The following FHIT variants were observed in gnomAD, a reference collection of about 807,000 sequenced individuals.
The protein encoded by FHIT is fragile histidine triad diadenosine triphosphatase.
FHIT carries 19 observed loss-of-function variants against 17.9 expected under a neutral mutation model. That is an observed-to-expected ratio of 1.06 (90% confidence interval 0.74 to 1.56). The LOEUF (loss-of-function observed/expected upper bound fraction) is 1.56, where lower values mean the gene tolerates loss of function less well. Among genes scored for constraint, FHIT ranks in the 40% most tolerant of loss-of-function variants. The pLI, the probability that FHIT is intolerant of heterozygous loss-of-function variation, is 0.00. For synonymous variants in FHIT, 81 were observed against 69.7 expected (o/e 1.16, Z -0.81); for missense variants, 248 against 189.2 (o/e 1.31, Z -1.82).
intron 5 of FHIT, among the ~76,000 whole-genome samples, chr3:60,208,823 G>A (rs1310218790): frequency 6.6e-6 from 1 of 152,082 alleles, no homozygotes; most frequent in Non-Finnish European, 1.5e-5. Flanking sequence ...TGACATCAGA[G>A]AGCCATTTAG....
intron 5 of FHIT, among the ~76,000 whole-genome samples, chr3:60,101,818 G>A (rs975877252): frequency 3.3e-5 from 5 of 152,034 alleles, no homozygotes; most frequent in Admixed American, 6.6e-5. Flanking sequence ...ATCAACCAGC[G>A]CTCTCCCACA....
intron 5 of FHIT, among the ~76,000 whole-genome samples, chr3:60,183,493 G>A (rs150340842): frequency 3.3e-5 from 5 of 152,186 alleles, no homozygotes; most frequent in South Asian, 2.1e-4. Context: ...AGTCAACACC[G>A]TGACTAACAA....
chr3:60,302,886 G>A (rs1157028572), intron 5 of FHIT, among the ~76,000 whole-genome samples: 1 of 152,132 alleles, frequency 6.6e-6, no homozygotes, highest in Non-Finnish European at 1.5e-5. Flanking sequence ...AGACAAGACT[G>A]CCTTGAGCTG....
intron 4 of FHIT, among the ~76,000 whole-genome samples, chr3:60,615,992 G>A (rs1553675754): frequency 6.6e-6 from 1 of 152,204 alleles, no homozygotes; most frequent in Non-Finnish European, 1.5e-5. Context: ...TGTACATTGA[G>A]AGATGTCCCT....
At chr3:60,044,905 A>C (rs558241263) in intron 5 of FHIT, among the ~76,000 whole-genome samples, 1 of 152,316 alleles carries the variant, frequency 6.6e-6, no homozygotes, top group East Asian at 1.9e-4. Flanking sequence ...AGAAAAGCCC[A>C]GAGCCAACAA....
Position 60,383,179 on chromosome 3 carries a change from G to A in FHIT, c.103+153681C>T, listed in dbSNP as rs181590205. ...TGTAGGGAATGGGAGTTTCTTTTGCGCTTACTTGCCAGTGACTTCCTAAAG... is the reference window on the plus strand; with the variant it reads ...TGTAGGGAATGGGAGTTTCTTTTGCACTTACTTGCCAGTGACTTCCTAAAG... On this transcript the variant is annotated intron_variant, in intron 5 of 9. Coordinates refer to ENST00000492590, the MANE Select transcript of FHIT (RefSeq NM_002012.4). Among the ~76,000 whole-genome samples, 35 of 152,182 alleles carry A rather than the reference G, an allele frequency of 2.3e-4. No individual in the cohort carries two copies. In the East Asian group the frequency reaches 4.8e-3, roughly 21 times the overall value.
At chr3:60,186,495 G>A (rs991059101) in intron 5 of FHIT, among the ~76,000 whole-genome samples, 9 of 152,180 alleles carry the variant, frequency 5.9e-5, no homozygotes, top group African/African-American at 1.9e-4. Flanking sequence ...AAACAGGAAG[G>A]TTTAACTTGA....
intron 4 of FHIT, among the ~76,000 whole-genome samples, chr3:60,788,885 A>G (rs564884499): frequency 3.9e-5 from 6 of 152,150 alleles, no homozygotes; most frequent in Admixed American, 6.6e-5. Flanking sequence ...TTTTACTTCA[A>G]ATGTTTTACA....
chr3:59,960,566 T>A (rs944646837), intron 7 of FHIT, among the ~76,000 whole-genome samples: 5 of 142,254 alleles, frequency 3.5e-5, no homozygotes, highest in African/African-American at 1.3e-4. Context: ...GGAGACATTA[T>A]CTTGACAGTC....
At chr3:61,124,100 G>A (rs1025315739) in intron 2 of FHIT, among the ~76,000 whole-genome samples, 1 of 152,150 alleles carries the variant, frequency 6.6e-6, no homozygotes, top group Non-Finnish European at 1.5e-5. Context: ...ATTTTTTCCT[G>A]TACGATAGGC....
intron 3 of FHIT, among the ~76,000 whole-genome samples, chr3:60,855,676 T>A (rs1703352220): frequency 6.6e-6 from 1 of 152,142 alleles, no homozygotes; most frequent in Admixed American, 6.6e-5. Context: ...AACATCATCT[T>A]CCATGTGTTA....
At chr3:59,875,535 G>A (rs1184405895) in intron 8 of FHIT, among the ~76,000 whole-genome samples, 2 of 152,224 alleles carry the variant, frequency 1.3e-5, no homozygotes, top group Non-Finnish European at 2.9e-5. Context: ...CCTGTGCAGT[G>A]AGGGGGAAGT....
At chr3:59,957,388 AC>A (rs2107330623) in intron 7 of FHIT, among the ~76,000 whole-genome samples, 1 of 152,360 alleles carries the variant, frequency 6.6e-6, no homozygotes, top group South Asian at 2.1e-4. Flanking sequence ...AACTCTGCTG[AC>A]ACCTTGGTCT....
intron 5 of FHIT, among the ~76,000 whole-genome samples, chr3:60,478,244 T>C (rs1048364583): frequency 6.6e-6 from 1 of 152,134 alleles, no homozygotes; most frequent in Non-Finnish European, 1.5e-5. Flanking sequence ...GCTACCAAAA[T>C]TGGGAACCAG....
chr3:60,649,862 A>G (rs1027064305), intron 4 of FHIT, among the ~76,000 whole-genome samples: 6 of 152,200 alleles, frequency 3.9e-5, no homozygotes, highest in African/African-American at 1.4e-4. Flanking sequence ...GCAGGGTAGC[A>G]GCAGTTACTG....
chr3:60,253,984 C>G (rs529271983), intron 5 of FHIT, among the ~76,000 whole-genome samples: 1 of 152,142 alleles, frequency 6.6e-6, no homozygotes, highest in Non-Finnish European at 1.5e-5. Flanking sequence ...CTCAAACCTA[C>G]AATTGGTTGC....
chr3:60,915,911 A>C (rs1261338938), intron 3 of FHIT, among the ~76,000 whole-genome samples: 1 of 152,138 alleles, frequency 6.6e-6, no homozygotes, highest in Non-Finnish European at 1.5e-5. Flanking sequence ...ACCACACCAA[A>C]GTACGTTGAA....
intron 2 of FHIT, among the ~76,000 whole-genome samples, chr3:61,141,455 G>A (rs941092584): frequency 6.6e-6 from 1 of 152,160 alleles, no homozygotes; most frequent in Admixed American, 6.5e-5. Flanking sequence ...CCTCTGAGCT[G>A]CCTGTTGTGG....
At chr3:60,873,039 A>G (rs1704478600) in intron 3 of FHIT, among the ~76,000 whole-genome samples, 1 of 152,060 alleles carries the variant, frequency 6.6e-6, no homozygotes, top group Non-Finnish European at 1.5e-5. Context: ...AAGGTCTCTG[A>G]ATGATGAAAA....
Sources: allele counts gnomAD v4.1 joint callset (sites outside exome capture counted in the v4.1 genomes callset), GRCh38; gene constraint gnomAD v4.1.1; transcripts MANE v1.5; gene names NCBI Gene and HGNC (gene_info 2026-07-23, HGNC 2026-07-21).